Variants in TRERF1 observed in about 807,000 individuals in gnomAD.
The protein encoded by TRERF1 is transcriptional-regulating factor 1.
A neutral mutation model predicts 122.9 loss-of-function variants in TRERF1; 27 were observed. The ratio of observed to expected loss-of-function variants is 0.22; its 90% CI spans 0.16 to 0.30. TRERF1 has a LOEUF of 0.30. Ranked by LOEUF, TRERF1 falls within the 10% of genes least tolerant of loss-of-function variation. The probability of loss-of-function intolerance (pLI) is 1.00; values close to 1 mark genes in which losing one functional copy is unlikely to be tolerated. For synonymous variants in TRERF1, 636 were observed against 641.7 expected (o/e 0.99, Z 0.13); for missense variants, 1,248 against 1,560.3 (o/e 0.80, Z 3.37).
At chr6:42,317,515 C>T (rs953232712) in intron 3 of TRERF1, among the ~76,000 whole-genome samples, 9 of 151,790 alleles carry the variant, frequency 5.9e-5, no homozygotes, top group Non-Finnish European at 8.8e-5. Context: ...CCATTATCCC[C>T]GGCTAATTAA....
At chr6:42,286,417 T>C (rs1783228350) in intron 4 of TRERF1, among the ~76,000 whole-genome samples, 1 of 138,844 alleles carries the variant, frequency 7.2e-6, no homozygotes, top group African/African-American at 2.7e-5. Context: ...ATATCCAGAA[T>C]CTACAATGAA....
intron 3 of TRERF1, among the ~76,000 whole-genome samples, chr6:42,355,089 T>A (rs1770244378): frequency 6.6e-6 from 1 of 152,214 alleles, no homozygotes; most frequent in South Asian, 2.1e-4. Flanking sequence ...TTTATAATAT[T>A]TATTCTCCAA....
At chr6:42,304,949 T>C (rs973897921) in intron 3 of TRERF1, among the ~76,000 whole-genome samples, 29 of 152,182 alleles carry the variant, frequency 1.9e-4, no homozygotes, top group African/African-American at 6.8e-4. Context: ...AGGGTCCTCT[T>C]GGACAAACAG....
In TRERF1 at chr6:42,433,276, T is replaced by C. The variant is rs1784761470; in HGVS notation, c.-454+17901A>G. On this transcript the variant is annotated intron_variant, in intron 2 of 17. Transcript: ENST00000372922. ...ACTGGAGTTCAGGGCTATGAACATATCCAAGATTTAAGAGCCCAAGATACC... is the reference window on the plus strand; with the variant it reads ...ACTGGAGTTCAGGGCTATGAACATACCCAAGATTTAAGAGCCCAAGATACC... Among the ~76,000 whole-genome samples, 3 of 151,966 alleles carry C rather than the reference T, an allele frequency of 2.0e-5. No homozygotes were observed. The South Asian group carries it at 6.2e-4, about 32-fold the overall frequency.
At position 42,232,224 on chromosome 6, in the gene TRERF1, G is replaced by A. The variant is rs1374912585; in HGVS notation, c.3278+457C>T. On this transcript the variant is annotated intron_variant, in intron 17 of 17. Transcript: ENST00000372922. This position sits in a 1 kb window ranked among gnomAD's most constrained non-coding sequence, Gnocchi z 4.5. ...TAGCAAAGTGTGGTGATTGATTAGTGATGTCTGCCTTAGTCACAGAAGTAA... is the reference window on the plus strand; with the variant it reads ...TAGCAAAGTGTGGTGATTGATTAGTAATGTCTGCCTTAGTCACAGAAGTAA... Among the ~76,000 whole-genome samples, 2 of 152,218 alleles carry A rather than the reference G, an allele frequency of 1.3e-5. No individual in the cohort carries two copies. Among genetic ancestry groups the A allele is most frequent in the Non-Finnish European group, 2.9e-5 (2 of 68,038 alleles).
chr6:42,450,238 G>C (rs1435984178), intron 2 of TRERF1, among the ~76,000 whole-genome samples: 1 of 152,238 alleles, frequency 6.6e-6, no homozygotes, highest in Non-Finnish European at 1.5e-5. Flanking sequence ...TGATGCAGAA[G>C]GTGGGTGCTA....
intron 3 of TRERF1, among the ~76,000 whole-genome samples, chr6:42,318,653 C>T (rs961557314): frequency 3.9e-5 from 6 of 152,210 alleles, no homozygotes; most frequent in African/African-American, 1.2e-4. Flanking sequence ...AATCCGCTGC[C>T]TGTTTATGTA....
intron 2 of TRERF1, among the ~76,000 whole-genome samples, chr6:42,450,801 C>G (rs1788340888): frequency 6.6e-6 from 1 of 152,204 alleles, no homozygotes; most frequent in African/African-American, 2.4e-5. Flanking sequence ...CCACAGAGCC[C>G]GCAGGCGCGT....
intron 2 of TRERF1, among the ~76,000 whole-genome samples, chr6:42,405,522 C>T (rs1306028146): frequency 2.0e-5 from 3 of 152,198 alleles, no homozygotes; most frequent in South Asian, 4.1e-4. Flanking sequence ...GGGTCTGGTG[C>T]GGTGGCTCAC....
chr6:42,431,780 A>G (rs1784538528), intron 2 of TRERF1, among the ~76,000 whole-genome samples: 1 of 151,656 alleles, frequency 6.6e-6, no homozygotes, highest in African/African-American at 2.4e-5. Flanking sequence ...TTACCTTCTC[A>G]AGCTATAAAG....
chr6:42,232,580 C>A lies in TRERF1; in HGVS notation c.3278+101G>T. The A allele has an allele frequency of 7.1e-7, 1 of 1,417,424 alleles. No individual in the cohort carries two copies. Among genetic ancestry groups the A allele is most frequent in the Non-Finnish European group, 9.3e-7 (1 of 1,071,102 alleles). The allele number at this position is 1,417,424 out of a possible 1,614,324, so 87.8% of individuals were successfully genotyped here. A position where few individuals can be genotyped will look rare whatever the true frequency, so the allele number is the denominator to read the frequency against. On this transcript the variant is annotated intron_variant, in intron 17 of 17. Transcript: ENST00000372922. This position sits in a 1 kb window ranked among gnomAD's most constrained non-coding sequence, Gnocchi z 4.5. ...GAAGAAGAGTTTTGAGGTCTAAGTT[C>A]TTTTTTCTGATTGAAGAAACCTCAG...
chr6:42,326,583 T>A (rs1425290316), intron 3 of TRERF1, among the ~76,000 whole-genome samples: 5 of 152,234 alleles, frequency 3.3e-5, no homozygotes, highest in Non-Finnish European at 7.3e-5. Flanking sequence ...CCTGGCTTGC[T>A]TTGCTCTAAG....
intron 4 of TRERF1, among the ~76,000 whole-genome samples, chr6:42,289,393 C>A (rs967003489): frequency 3.3e-5 from 5 of 151,836 alleles, no homozygotes; most frequent in Non-Finnish European, 5.9e-5. Context: ...ACAAAAAAAC[C>A]TTGCTCTGGC....
chr6:42,376,908 C>T (rs1019750085), intron 2 of TRERF1, among the ~76,000 whole-genome samples: 1 of 151,392 alleles, frequency 6.6e-6, no homozygotes, highest in Admixed American at 6.6e-5. Context: ...TCTTGTCACC[C>T]AGGCTGGAGT....
At chr6:42,448,967 A>G (rs995148770) in intron 2 of TRERF1, among the ~76,000 whole-genome samples, 4 of 152,202 alleles carry the variant, frequency 2.6e-5, no homozygotes, top group Non-Finnish European at 5.9e-5. Flanking sequence ...ATTTTTTGTG[A>G]CCACACATTT....
chr6:42,394,237 C>T (rs1010189116), intron 2 of TRERF1, among the ~76,000 whole-genome samples: 6 of 152,034 alleles, frequency 3.9e-5, no homozygotes, highest in Non-Finnish European at 4.4e-5. Flanking sequence ...CCCCAAACTC[C>T]AACTCTCCCC....
At chr6:42,379,068 C>T (rs1329379525) in intron 2 of TRERF1, among the ~76,000 whole-genome samples, 2 of 152,018 alleles carry the variant, frequency 1.3e-5, no homozygotes, top group African/African-American at 4.8e-5. Context: ...TGCAGTAAGC[C>T]GTGATGGCAC....
intron 2 of TRERF1, among the ~76,000 whole-genome samples, chr6:42,426,993 T>C (rs1004614424): frequency 1.3e-5 from 2 of 151,922 alleles, no homozygotes; most frequent in African/African-American, 2.4e-5. Context: ...CAAGGTAATA[T>C]ATAAGAACTA....
At chr6:42,435,088 A>G (rs1194349011) in intron 2 of TRERF1, among the ~76,000 whole-genome samples, 4 of 151,580 alleles carry the variant, frequency 2.6e-5, no homozygotes, top group African/African-American at 4.9e-5. Flanking sequence ...CCGAGATTGT[A>G]CCATTGCACT....
Sources: gnomAD v4.1 joint callset for allele counts (sites outside exome capture counted in the v4.1 genomes callset) on GRCh38, gnomAD v4.1.1 for gene constraint, Gnocchi (gnomAD v3.1) non-coding constraint, MANE v1.5 for transcripts, NCBI Gene and HGNC (gene_info 2026-07-23, HGNC 2026-07-21) for gene names.